The following COL15A1 variants were observed in gnomAD, a reference collection of about 807,000 sequenced individuals.
COL15A1 encodes collagen type XV alpha 1 chain.
A neutral mutation model predicts 165.9 loss-of-function variants in COL15A1; 111 were observed. The observed-to-expected ratio is 0.67, with a 90% CI of 0.57 to 0.78. The LOEUF (loss-of-function observed/expected upper bound fraction) is 0.78, where lower values mean the gene tolerates loss of function less well. COL15A1 is among the 30% of genes least tolerant of loss of function. COL15A1 has a pLI of 0.00. For missense variants in COL15A1, 1,745 were observed against 1,789.7 expected (o/e 0.98, Z 0.45); for synonymous variants, 659 against 674.8 (o/e 0.98, Z 0.36).
chr9:99,060,101 A>T, intron 36 of COL15A1, 148 bp downstream of exon 36: 1 of 811,716 alleles, frequency 1.2e-6, no homozygotes, highest in Non-Finnish European at 1.8e-6. Context: ...AGTAGAAGGG[A>T]TTTGTTATCT....
intron 12 of COL15A1, among the ~76,000 whole-genome samples, chr9:99,021,470 C>G (rs1487793205): frequency 6.6e-6 from 1 of 152,186 alleles, no homozygotes; most frequent in African/African-American, 2.4e-5. Context: ...GTCAGAGAAG[C>G]CACTTCTCTG....
At chr9:98,956,006 G>C (rs1413910630) in intron 2 of COL15A1, among the ~76,000 whole-genome samples, 1 of 152,218 alleles carries the variant, frequency 6.6e-6, no homozygotes, top group African/African-American at 2.4e-5. Context: ...ATGAACCTAA[G>C]AAAATACCAA....
Position 98,972,006 on chromosome 9 carries a change from G to C in COL15A1, c.101-13559G>C, listed in dbSNP as rs545705940. On this transcript the variant is annotated intron_variant, in intron 2 of 41. Coordinates refer to ENST00000375001, the MANE Select transcript of COL15A1 (RefSeq NM_001855.5). ...GACAGCTTGAGAGTGCCCCGCCCTG[G>C]TCAGCACCCAACCCAATGAGCGAGG... Among the ~76,000 whole-genome samples, 15 of 152,272 alleles carry C rather than the reference G, an allele frequency of 9.9e-5. No homozygotes were observed. In the South Asian group the frequency reaches 2.9e-3, roughly 29 times the overall value.
At position 99,022,146 on chromosome 9, in the gene COL15A1, C is replaced by T. The variant is rs774344876; in HGVS notation, c.1757C>T (p.Pro586Leu). The T allele has an allele frequency of 6.2e-7, 1 of 1,614,082 alleles. No homozygotes were observed. The highest frequency in any genetic ancestry group is 1.7e-5 in the Admixed American group (1 of 60,012). Reference sequence around the variant, plus strand: ...CCTGAACCTTCTGGGCCTGTTGGACCCACGGTGAGATTCCCATCCAGGCTT... The same window carrying T: ...CCTGAACCTTCTGGGCCTGTTGGACTCACGGTGAGATTCCCATCCAGGCTT... Reference protein sequence around the residue: ...GPPEPSGPVGPTAGAEAEGSG... With the variant: ...GPPEPSGPVGLTAGAEAEGSG... Residue 586 changes from proline (P) to leucine (L), a missense_variant, in exon 13 of 42, where the codon CCC becomes CTC. Pro to Leu is a moderately conservative substitution (Grantham distance 98). Coordinates refer to ENST00000375001, the MANE Select transcript of COL15A1 (RefSeq NM_001855.5).
At position 99,023,433 on chromosome 9, in the gene COL15A1, G is replaced by A; in HGVS notation, c.1838G>A (p.Ser613Asn). The A allele has an allele frequency of 7.0e-7, 1 of 1,429,288 alleles. No homozygotes were observed. Among genetic ancestry groups the A allele is most frequent in the Non-Finnish European group, 9.9e-7 (1 of 1,012,380 alleles). 88.5% of individuals were successfully genotyped at this position (1,429,288 alleles called of 1,614,324 possible). A position where few individuals can be genotyped will look rare whatever the true frequency, so the allele number is the denominator to read the frequency against. Residue 613 changes from serine to asparagine, a missense_variant, in exon 14 of 42, where the codon AGT (serine) becomes AAT (asparagine). Transcript: ENST00000375001. Reference protein sequence around the residue: ...VGSGSGDLVGSEQLLRGPPGP... With the variant: ...VGSGSGDLVGNEQLLRGPPGP... ...TCTGGCTCTGGTGACCTGGTGGGCA[G>A]TGAGCAGCTGCTGAGAGTGAGTGTG...
intron 34 of COL15A1, among the ~76,000 whole-genome samples, chr9:99,055,633 G>C (rs1376780054): frequency 6.6e-6 from 1 of 152,186 alleles, no homozygotes; most frequent in Non-Finnish European, 1.5e-5. Context: ...TGACATTGGT[G>C]GAAAATTCAC....
chr9:99,065,005 C>T (rs1233646373), intron 39 of COL15A1, among the ~76,000 whole-genome samples: 3 of 152,168 alleles, frequency 2.0e-5, no homozygotes, highest in Non-Finnish European at 4.4e-5. Context: ...CAACCATCCA[C>T]AAAATAGCAA....
Position 99,003,558 on chromosome 9 carries a change from A to T in COL15A1, c.1171A>T (p.Thr391Ser), listed in dbSNP as rs201110221. 9 of 1,554,146 alleles carry T rather than the reference A, an allele frequency of 5.8e-6. No homozygotes were observed. In the East Asian group the frequency reaches 2.0e-4, roughly 34 times the overall value. Residue 391 changes from threonine (T) to serine (S), a missense_variant, in exon 8 of 42, where the codon ACG (threonine) becomes TCG (serine). Coordinates refer to ENST00000375001, the MANE Select transcript of COL15A1 (RefSeq NM_001855.5). Reference protein sequence around the residue: ...PTGGPTLSMSTENPEEGVTPG... With the variant: ...PTGGPTLSMSSENPEEGVTPG... ...CGGGGGACCAACCCTCTCTATGTCC[A>T]CGGAGAACCCAGAGGAAGGGGTCAC...
Position 99,049,899 on chromosome 9 carries a change from A to C in COL15A1, c.2904+4A>C. ...CCGACCACACTGCAAAATGCCAGTA[A>C]GTAGCAATCACTGCCTTAAAGAGCA... On this transcript the variant is annotated splice_donor_region_variant and intron_variant, in intron 30 of 41. Transcript: ENST00000375001. 6.2e-7 allele frequency: 1 copy of C among 1,614,244 alleles called. No homozygotes were observed. Among genetic ancestry groups the C allele is most frequent in the African/African-American group, 1.3e-5 (1 of 75,062 alleles).
Position 98,985,958 on chromosome 9 carries a change from C to G in COL15A1, c.494C>G (p.Ala165Gly). Residue 165 changes from alanine to glycine, a missense_variant, in exon 3 of 42, where the codon GCC (alanine) becomes GGC (glycine). Ala to Gly is a moderately conservative substitution (Grantham distance 60). Coordinates refer to ENST00000375001, the MANE Select transcript of COL15A1 (RefSeq NM_001855.5). Reference protein sequence around the residue: ...PVMTHRWNRFAMIVQGEEVTL... With the variant: ...PVMTHRWNRFGMIVQGEEVTL... Reference sequence around the variant, plus strand: ...ATGACCCACAGGTGGAACCGCTTCGCCATGATTGTCCAGGGTGAGGAAGTG... The same window carrying G: ...ATGACCCACAGGTGGAACCGCTTCGGCATGATTGTCCAGGGTGAGGAAGTG... The G allele has an allele frequency of 6.2e-7, 1 of 1,614,082 alleles. No homozygotes were observed. The highest frequency in any genetic ancestry group is 8.5e-7 in the Non-Finnish European group (1 of 1,180,018).
chr9:99,024,144 G>A (rs1382759716), intron 14 of COL15A1, among the ~76,000 whole-genome samples: 15 of 152,172 alleles, frequency 9.9e-5, no homozygotes, highest in Middle Eastern at 3.2e-3. Flanking sequence ...TCTGGACTCC[G>A]TGGTTAAATG....
intron 6 of COL15A1, among the ~76,000 whole-genome samples, chr9:98,999,019 G>C (rs1027881428): frequency 2.6e-5 from 4 of 152,232 alleles, no homozygotes; most frequent in African/African-American, 9.6e-5. Context: ...TTGGAGGACA[G>C]GCAATCGGCT....
At chr9:99,064,554 A>G (rs2117991769) in intron 39 of COL15A1, among the ~76,000 whole-genome samples, 1 of 152,294 alleles carries the variant, frequency 6.6e-6, no homozygotes, top group South Asian at 2.1e-4. Flanking sequence ...CCAAAAGAGA[A>G]TCTATACAGT....
rs563047538 is a variant in COL15A1, at chr9:99,001,272, T to C, written c.1065+321T>C. Among the ~76,000 whole-genome samples, 268 of 152,284 alleles carry C rather than the reference T, an allele frequency of 1.8e-3. No homozygotes were observed. In the Middle Eastern group the frequency reaches 0.02, roughly 12 times the overall value. Reference sequence around the variant, plus strand: ...GAAGGCACATAGCTTTATCAGCCCTTTGAGTCCCCTTCAAGACAGAATCAG... The same window carrying C: ...GAAGGCACATAGCTTTATCAGCCCTCTGAGTCCCCTTCAAGACAGAATCAG... On this transcript the variant is annotated intron_variant, in intron 7 of 41. Transcript: ENST00000375001.
intron 39 of COL15A1, 122 bp downstream of exon 39, chr9:99,063,231 C>T (rs1431543371): frequency 8.5e-7 from 1 of 1,181,052 alleles, no homozygotes; most frequent in Non-Finnish European, 1.1e-6. Context: ...GAGAGGCAAA[C>T]AAAAAACAGA....
intron 6 of COL15A1, among the ~76,000 whole-genome samples, chr9:98,998,981 C>T (rs1018031278): frequency 6.6e-6 from 1 of 152,252 alleles, no homozygotes; most frequent in African/African-American, 2.4e-5. Context: ...AGGGGCCACC[C>T]CACCTCCTTC....
At chr9:99,054,963 G>C in intron 32 of COL15A1, 139 bp from the exon 33 acceptor site, 1 of 800,442 alleles carries the variant, frequency 1.2e-6, no homozygotes, top group Non-Finnish European at 2.1e-6. Context: ...ACCTGTTTCT[G>C]CTTCCAAGCA....
chr9:99,056,293 G>A lies in COL15A1; in HGVS notation c.3226G>A (p.Gly1076Arg). The A allele has an allele frequency of 6.2e-7, 1 of 1,614,148 alleles. No homozygotes were observed. The highest frequency in any genetic ancestry group is 8.5e-7 in the Non-Finnish European group (1 of 1,180,010). ...AGGGGAGACAGTCGTTGGGCCCCAA[G>A]GACCCCCAGGTGCTCCTGGTCTGCC... Reference protein sequence around the residue: ...QKGETVVGPQGPPGAPGLPGP... With the variant: ...QKGETVVGPQRPPGAPGLPGP... The change falls in exon 35 of 42, where the codon GGA becomes AGA. Residue 1076 changes from glycine to arginine, a missense_variant. Gly to Arg is a moderately radical substitution (Grantham distance 125). Transcript: ENST00000375001.
chr9:98,962,652 G>C (rs574634242), intron 2 of COL15A1, among the ~76,000 whole-genome samples: 2 of 152,370 alleles, frequency 1.3e-5, no homozygotes, highest in East Asian at 3.8e-4. Flanking sequence ...TTTATCTGAT[G>C]ACAGAGTGCT....
Sources: allele counts gnomAD v4.1 joint callset (sites outside exome capture counted in the v4.1 genomes callset), GRCh38; gene constraint gnomAD v4.1.1; transcripts MANE v1.5; gene names NCBI Gene and HGNC (gene_info 2026-07-23, HGNC 2026-07-21).